The following ADAMTSL3 variants were observed in gnomAD, a reference collection of about 807,000 sequenced individuals.
ADAMTSL3 encodes the protein ADAMTS like 3, also known as ADAMTS-like protein 3.
Under a neutral mutation model 201.7 loss-of-function variants are expected in ADAMTSL3, and 128 were observed. The observed-to-expected ratio is 0.63, with a 90% CI of 0.55 to 0.73. ADAMTSL3 has a LOEUF of 0.73. ADAMTSL3 is among the 30% of genes least tolerant of loss of function. ADAMTSL3 has a pLI of 0.00. For missense variants in ADAMTSL3, 1,990 were observed against 2,119.6 expected (o/e 0.94, Z 1.20); for synonymous variants, 738 against 748.4 (o/e 0.99, Z 0.23).
intron 8 of ADAMTSL3, 79 bp downstream of exon 8, chr15:83,858,919 ACAAAC>A: frequency 8.0e-7 from 1 of 1,252,810 alleles, no homozygotes; most frequent in Non-Finnish European, 1.1e-6. Flanking sequence ...CAAAAAACCC[ACAAAC>A]CAAACCAACA....
chr15:83,867,809 G>A (rs2065007449), intron 8 of ADAMTSL3, among the ~76,000 whole-genome samples: 1 of 152,100 alleles, frequency 6.6e-6, no homozygotes, highest in Non-Finnish European at 1.5e-5. Context: ...TTTTTTGAAA[G>A]AAGCCTGAAC....
intron 19 of ADAMTSL3, among the ~76,000 whole-genome samples, chr15:83,951,240 T>A (rs2066752330): frequency 6.6e-6 from 1 of 152,104 alleles, no homozygotes. Context: ...ATGTTAAATT[T>A]TATCACGTGC....
At chr15:83,666,730 C>G (rs1430043271) in intron 2 of ADAMTSL3, among the ~76,000 whole-genome samples, 1 of 151,768 alleles carries the variant, frequency 6.6e-6, no homozygotes, top group East Asian at 1.9e-4. Context: ...GTGGTGCCAG[C>G]TACTTGAAAG....
chr15:84,019,892 C>CA (rs1219615275), intron 25 of ADAMTSL3, among the ~76,000 whole-genome samples: 16,130 of 64,632 alleles, frequency 0.25, 1,765 homozygotes, highest in Middle Eastern at 0.37. Context: ...GACTCTGTCT[C>CA]AAAAAAAAAA....
At chr15:83,952,752 G>A (rs1214824771) in intron 19 of ADAMTSL3, among the ~76,000 whole-genome samples, 1 of 149,900 alleles carries the variant, frequency 6.7e-6, no homozygotes, top group Non-Finnish European at 1.5e-5. Flanking sequence ...GTTGTAGTGA[G>A]CCAAGATCGT....
At chr15:83,863,172 G>A (rs1478432396) in intron 8 of ADAMTSL3, among the ~76,000 whole-genome samples, 1 of 152,154 alleles carries the variant, frequency 6.6e-6, no homozygotes, top group African/African-American at 2.4e-5. Flanking sequence ...ATAATAATGG[G>A]AGACTTTAAC....
At chr15:83,874,857 GC>G (rs1159625318) in intron 9 of ADAMTSL3, among the ~76,000 whole-genome samples, 3 of 145,758 alleles carry the variant, frequency 2.1e-5, no homozygotes, top group Non-Finnish European at 4.5e-5. Flanking sequence ...AAAGTAAAAG[GC>G]ACTGGTCCAG....
chr15:83,809,978 A>G (rs1053430213), intron 5 of ADAMTSL3, among the ~76,000 whole-genome samples: 5 of 152,182 alleles, frequency 3.3e-5, no homozygotes, highest in Non-Finnish European at 7.3e-5. Flanking sequence ...ATGGGAGTAG[A>G]AAGCTGGCAG....
rs879311608 is a variant in ADAMTSL3, at chr15:84,039,048, G to C, written c.*1242G>C. The C allele has an allele frequency of 3.3e-5, 5 of 152,604 alleles. No homozygotes were observed. Among genetic ancestry groups the C allele is most frequent in the Non-Finnish European group, 7.3e-5 (5 of 68,102 alleles). The allele number at this position is 152,604 out of a possible 1,614,324, so 9.5% of individuals were successfully genotyped here. The stretch of plus-strand genomic sequence containing the variant: ...TAGGTTTGGAGTAAGCGTTGTTGCT[G>C]AAGTGAGTTCAGGCTAGCATTAAAT... On this transcript the variant is annotated 3_prime_UTR_variant, in exon 30 of 30. Transcript: ENST00000286744.
At chr15:83,868,564 A>C (rs1341056731) in intron 8 of ADAMTSL3, among the ~76,000 whole-genome samples, 2 of 152,152 alleles carry the variant, frequency 1.3e-5, no homozygotes, top group Non-Finnish European at 2.9e-5. Context: ...TCACTTCACC[A>C]GTCTTTCTTC....
At chr15:83,822,410 C>G (rs951607065) in intron 6 of ADAMTSL3, among the ~76,000 whole-genome samples, 2 of 140,926 alleles carry the variant, frequency 1.4e-5, no homozygotes, top group Non-Finnish European at 3.1e-5. Context: ...GGGCGGTTGC[C>G]GGGCGGAGGG....
chr15:83,926,345 C>T (rs1400493247), intron 17 of ADAMTSL3, among the ~76,000 whole-genome samples: 1 of 152,186 alleles, frequency 6.6e-6, no homozygotes, highest in African/African-American at 2.4e-5. Context: ...ACTTGGACTT[C>T]ATCCAGAGAG....
intron 2 of ADAMTSL3, among the ~76,000 whole-genome samples, chr15:83,680,681 A>T: frequency 6.6e-6 from 1 of 151,738 alleles, no homozygotes; most frequent in East Asian, 1.9e-4. Context: ...TTTTATCCCT[A>T]ATTCTCACAC....
intron 20 of ADAMTSL3, among the ~76,000 whole-genome samples, chr15:83,980,599 C>A (rs2067370073): frequency 6.6e-6 from 1 of 152,138 alleles, no homozygotes; most frequent in Non-Finnish European, 1.5e-5. Flanking sequence ...GGCAGTTCAT[C>A]CAGCTCCACT....
intron 10 of ADAMTSL3, among the ~76,000 whole-genome samples, chr15:83,885,429 T>C (rs1308358343): frequency 2.0e-5 from 3 of 151,758 alleles, no homozygotes; most frequent in Non-Finnish European, 2.9e-5. Flanking sequence ...GAAAATACCT[T>C]TTACTTTTAG....
At chr15:83,699,599 T>A (rs1395437221) in intron 2 of ADAMTSL3, among the ~76,000 whole-genome samples, 1 of 152,244 alleles carries the variant, frequency 6.6e-6, no homozygotes, top group African/African-American at 2.4e-5. Flanking sequence ...TTAAATACTC[T>A]TCTATTGTTC....
chr15:84,013,781 AAAG>A (rs142157992), intron 23 of ADAMTSL3, among the ~76,000 whole-genome samples: 3,312 of 152,216 alleles, frequency 0.022, 115 homozygotes, highest in African/African-American at 0.077. Context: ...AAGAAAAAGC[AAAG>A]AAGAAGAAGA....
intron 6 of ADAMTSL3, among the ~76,000 whole-genome samples, chr15:83,820,380 C>T (rs1401730958): frequency 6.6e-6 from 1 of 152,094 alleles, no homozygotes; most frequent in Non-Finnish European, 1.5e-5. Context: ...GCCGGGCCAT[C>T]GATTAGTGAT....
chr15:83,775,963 T>C (rs1326799261), intron 4 of ADAMTSL3, among the ~76,000 whole-genome samples: 2 of 152,142 alleles, frequency 1.3e-5, no homozygotes, highest in Non-Finnish European at 2.9e-5. Flanking sequence ...CCACATCTGG[T>C]TCACAGGAAA....
Sources: gnomAD v4.1 joint callset for allele counts (sites outside exome capture counted in the v4.1 genomes callset) on GRCh38, gnomAD v4.1.1 for gene constraint, MANE v1.5 for transcripts, NCBI Gene and HGNC (gene_info 2026-07-23, HGNC 2026-07-21) for gene names.